SYT16: variants seen among roughly 807,000 people sequenced by gnomAD.
SYT16 encodes synaptotagmin 16.
Under a neutral mutation model 61.4 loss-of-function variants are expected in SYT16, and 42 were observed. That is an observed-to-expected ratio of 0.68 (90% CI 0.53 to 0.89). The LOEUF (loss-of-function observed/expected upper bound fraction) is 0.89. SYT16 is among the 40% of genes least tolerant of loss of function. SYT16 has a pLI of 0.00. For synonymous variants in SYT16, 314 were observed against 302.3 expected (o/e 1.04, Z -0.40); for missense variants, 804 against 807.3 (o/e 1.00, Z 0.05).
chr14:62,001,404 AAG>A (rs2053008514), intron 3 of SYT16, among the ~76,000 whole-genome samples: 1 of 152,050 alleles, frequency 6.6e-6, no homozygotes, highest in Non-Finnish European at 1.5e-5. Flanking sequence ...TCAGCACTTT[AAG>A]ATTGCCATTT....
At chr14:61,858,156 GA>G (rs144842528) in intron 1 of SYT16, among the ~76,000 whole-genome samples, 93 of 111,874 alleles carry the variant, frequency 8.3e-4, no homozygotes, top group African/African-American at 2.0e-3. Context: ...AAGAAAAAAA[GA>G]AAAAAAAAAT....
chr14:61,853,559 G>A (rs1195605136), intron 1 of SYT16, among the ~76,000 whole-genome samples: 1 of 152,160 alleles, frequency 6.6e-6, no homozygotes, highest in Non-Finnish European at 1.5e-5. Flanking sequence ...CTTCTACACA[G>A]GGAGAAGGTA....
At chr14:62,043,866 T>C (rs987788797) in intron 3 of SYT16, among the ~76,000 whole-genome samples, 9 of 151,894 alleles carry the variant, frequency 5.9e-5, no homozygotes, top group Non-Finnish European at 1.0e-4. Flanking sequence ...AGAGACAGAA[T>C]CTTGCTATGT....
chr14:61,946,511 A>G (rs1488088863), intron 1 of SYT16, among the ~76,000 whole-genome samples: 2 of 152,186 alleles, frequency 1.3e-5, no homozygotes, highest in African/African-American at 4.8e-5. Flanking sequence ...ATGACACAAT[A>G]TATGCATCTA....
At chr14:61,868,154 A>T (rs1236489763) in intron 1 of SYT16, among the ~76,000 whole-genome samples, 1 of 151,928 alleles carries the variant, frequency 6.6e-6, no homozygotes, top group Non-Finnish European at 1.5e-5. Context: ...TAGTTGCCAG[A>T]GTCTGGGAAG....
chr14:61,977,033 C>A (rs1475518749), intron 2 of SYT16, among the ~76,000 whole-genome samples: 1 of 152,166 alleles, frequency 6.6e-6, no homozygotes, highest in East Asian at 1.9e-4. Context: ...AGTCTCTTTG[C>A]TAAAGCATAG....
intron 3 of SYT16, among the ~76,000 whole-genome samples, chr14:62,022,682 A>G (rs1032263697): frequency 1.3e-5 from 2 of 151,748 alleles, no homozygotes. Context: ...TTTTTTTACT[A>G]TCCGGTTTTA....
At chr14:62,091,475 A>G (rs1250135782) in intron 7 of SYT16, among the ~76,000 whole-genome samples, 1 of 152,236 alleles carries the variant, frequency 6.6e-6, no homozygotes, top group Non-Finnish European at 1.5e-5. Flanking sequence ...GCGGTAGGAA[A>G]AATGACTACT....
At chr14:61,951,402 G>T (rs373492709) in intron 1 of SYT16, among the ~76,000 whole-genome samples, 1 of 152,138 alleles carries the variant, frequency 6.6e-6, no homozygotes, top group African/African-American at 2.4e-5. Context: ...AAAATGGTTT[G>T]TCTTTTTAAG....
At chr14:62,044,369 G>A (rs1420631067) in intron 3 of SYT16, among the ~76,000 whole-genome samples, 2 of 152,100 alleles carry the variant, frequency 1.3e-5, no homozygotes, top group Admixed American at 6.6e-5. Flanking sequence ...ATGCCATGGT[G>A]GTTTGCTGTA....
intron 1 of SYT16, among the ~76,000 whole-genome samples, chr14:61,870,645 G>A (rs1297240990): frequency 6.6e-6 from 1 of 151,994 alleles, no homozygotes; most frequent in Non-Finnish European, 1.5e-5. Context: ...TTTCTTAAAA[G>A]TCTTTTTACT....
chr14:62,072,481 G>A (rs7152869), intron 4 of SYT16, among the ~76,000 whole-genome samples: 12,519 of 152,078 alleles, frequency 0.082, 907 homozygotes, highest in African/African-American at 0.19. Flanking sequence ...CCATATTTGC[G>A]GTACAGGTTG....
At chr14:62,046,980 A>T (rs1361961058) in intron 3 of SYT16, among the ~76,000 whole-genome samples, 1 of 152,130 alleles carries the variant, frequency 6.6e-6, no homozygotes, top group Admixed American at 6.5e-5. Context: ...GTTTTTTCCA[A>T]TTCTGTGAAG....
intron 1 of SYT16, among the ~76,000 whole-genome samples, chr14:61,866,286 C>T (rs954796094): frequency 1.2e-4 from 18 of 151,702 alleles, no homozygotes; most frequent in African/African-American, 4.4e-4. Context: ...TTTAGCTCTA[C>T]AAAAAATTGC....
intron 1 of SYT16, among the ~76,000 whole-genome samples, chr14:61,883,459 G>A (rs2047776071): frequency 1.3e-5 from 2 of 152,140 alleles, no homozygotes; most frequent in African/African-American, 2.4e-5. Flanking sequence ...TACCAAGAGC[G>A]ACCTTTACTC....
chr14:61,912,376 G>A (rs977147691), intron 1 of SYT16, among the ~76,000 whole-genome samples: 6 of 152,322 alleles, frequency 3.9e-5, no homozygotes, highest in Admixed American at 3.9e-4. Flanking sequence ...GACATTGTGT[G>A]TACTTATGAC....
chr14:61,946,372 A>G (rs1469941516), intron 1 of SYT16, among the ~76,000 whole-genome samples: 1 of 152,204 alleles, frequency 6.6e-6, no homozygotes, highest in Non-Finnish European at 1.5e-5. Context: ...ATATCCACTC[A>G]TGGATAGAGT....
intron 1 of SYT16, among the ~76,000 whole-genome samples, chr14:61,829,685 C>T (rs1047407841): frequency 8.2e-4 from 124 of 150,668 alleles, no homozygotes; most frequent in African/African-American, 1.8e-3. Flanking sequence ...GACGGAGTCT[C>T]GCTCTGTCGC....
intron 7 of SYT16, among the ~76,000 whole-genome samples, chr14:62,092,607 TAAATG>T (rs1380327187): frequency 6.6e-6 from 1 of 151,600 alleles, no homozygotes; most frequent in Non-Finnish European, 1.5e-5. Context: ...GACATTATGT[TAAATG>T]AAATAAGCCA....
Sources: allele counts gnomAD v4.1 joint callset (sites outside exome capture counted in the v4.1 genomes callset), GRCh38; gene constraint gnomAD v4.1.1; transcripts MANE v1.5; gene names NCBI Gene and HGNC (gene_info 2026-07-23, HGNC 2026-07-21).